Variants in CNTLN observed in about 807,000 individuals in gnomAD.
The protein encoded by CNTLN is centlein, centrosomal protein.
A neutral mutation model predicts 180.0 loss-of-function variants in CNTLN; 212 were observed. The observed-to-expected ratio is 1.18, with a 90% CI of 1.05 to 1.32. The LOEUF (loss-of-function observed/expected upper bound fraction) is 1.32. Ranked by LOEUF, CNTLN falls within the 40% of genes most tolerant of loss-of-function variation. The probability of loss-of-function intolerance (pLI) is 0.00; values close to 1 mark genes in which losing one functional copy is unlikely to be tolerated. For synonymous variants in CNTLN, 722 were observed against 563.1 expected, an observed-to-expected ratio of 1.28 and a Z score of -3.99; for missense variants, 2,095 against 1,610.9, an observed-to-expected ratio of 1.30 and a Z score of -5.14.
chr9:17,354,070 A>G (rs1257769924), intron 12 of CNTLN, among the ~76,000 whole-genome samples: 1 of 152,208 alleles, frequency 6.6e-6, no homozygotes. Flanking sequence ...TGAGGGACTT[A>G]GCACCCGGGC....
chr9:17,446,002 G>C (rs1484812755), intron 18 of CNTLN, among the ~76,000 whole-genome samples: 2 of 152,198 alleles, frequency 1.3e-5, no homozygotes, highest in African/African-American at 4.8e-5. Context: ...AGCTGTTTAT[G>C]TGTATGCATA....
chr9:17,168,427 T>G (rs1032169766), intron 2 of CNTLN: 1 of 152,176 alleles, frequency 6.6e-6, no homozygotes, highest in Non-Finnish European at 1.5e-5. Flanking sequence ...AATGAATACA[T>G]TTATGGATGG....
At chr9:17,226,016 G>T (rs1824441956) in intron 2 of CNTLN, among the ~76,000 whole-genome samples, 187 bp from the exon 3 acceptor site, 1 of 151,954 alleles carries the variant, frequency 6.6e-6, no homozygotes, top group South Asian at 2.1e-4. Flanking sequence ...ATCTAGAAAT[G>T]AAACTGTTCT....
At chr9:17,507,091 C>G (rs990977696), downstream of CNTLN, among the ~76,000 whole-genome samples, 4 of 152,096 alleles carry the variant, frequency 2.6e-5, no homozygotes, top group Non-Finnish European at 5.9e-5. Context: ...AATCTCATCA[C>G]CCAAGTAGCA....
chr9:17,423,855 C>T (rs1370487812), intron 18 of CNTLN, among the ~76,000 whole-genome samples: 3 of 152,052 alleles, frequency 2.0e-5, no homozygotes, highest in Admixed American at 6.6e-5. Context: ...GATTCTCTCT[C>T]GGCTCAGTGT....
intron 6 of CNTLN, among the ~76,000 whole-genome samples, chr9:17,294,646 G>A (rs71504854): frequency 0.019 from 2,911 of 149,448 alleles, 51 homozygotes; most frequent in Admixed American, 0.038. Context: ...AGGGGCCACA[G>A]GTGGAGCTGC....
chr9:17,323,218 T>A (rs1820037919), intron 8 of CNTLN, among the ~76,000 whole-genome samples: 1 of 152,192 alleles, frequency 6.6e-6, no homozygotes, highest in African/African-American at 2.4e-5. Flanking sequence ...CTGAATTCAG[T>A]AACTACTACT....
At chr9:17,505,666 C>T (rs1833920633), downstream of CNTLN, among the ~76,000 whole-genome samples, 1 of 151,936 alleles carries the variant, frequency 6.6e-6, no homozygotes, top group African/African-American at 2.4e-5. Flanking sequence ...ATAGTAAGAC[C>T]ATGGGTTAGG....
chr9:17,359,717 T>TAAAAAAACAAAAAAAAAAAA (rs1456379699), intron 12 of CNTLN, among the ~76,000 whole-genome samples: 1 of 13,478 alleles, frequency 7.4e-5, no homozygotes, highest in African/African-American at 1.9e-4. Context: ...CCGTCTATAC[T>TAAAAAAACAAAAAAAAAAAA]AAAAATACAA....
At chr9:17,148,148 A>G (rs1212569564) in intron 2 of CNTLN, among the ~76,000 whole-genome samples, 2 of 152,182 alleles carry the variant, frequency 1.3e-5, no homozygotes, top group African/African-American at 4.8e-5. Context: ...CAACACACGG[A>G]CAATCTTGTT....
At chr9:17,374,821 C>G (rs1046782597) in intron 13 of CNTLN, among the ~76,000 whole-genome samples, 2 of 151,302 alleles carry the variant, frequency 1.3e-5, no homozygotes, top group African/African-American at 4.9e-5. Flanking sequence ...GATTATGCCA[C>G]TGCACTCCAG....
At position 17,264,213 on chromosome 9, in the gene CNTLN, T is replaced by C. The variant is rs925131382; in HGVS notation, c.850-9520T>C. On this transcript the variant is annotated intron_variant, in intron 5 of 25. Transcript: ENST00000380647. ...AAGTCTTTAATCCATCTTGAATTGA[T>C]TTTTGTATAAGGTGTAAGGAAGGGA... is the stretch of plus-strand genomic sequence containing the variant. 1.2e-3 allele frequency among the ~76,000 whole-genome samples: 182 copies of C among 146,312 alleles called. 3 individuals carry two copies. The highest frequency in any genetic ancestry group is 6.0e-3 in the Admixed American group (89 of 14,774).
intron 12 of CNTLN, among the ~76,000 whole-genome samples, chr9:17,348,860 T>G (rs1305314866): frequency 1.3e-5 from 2 of 152,150 alleles, no homozygotes; most frequent in South Asian, 2.1e-4. Context: ...GGAGCATGGC[T>G]GCTTTTTGTT....
At chr9:17,370,445 C>T (rs1224927332) in intron 13 of CNTLN, among the ~76,000 whole-genome samples, 3 of 152,100 alleles carry the variant, frequency 2.0e-5, no homozygotes, top group Non-Finnish European at 1.5e-5. Context: ...GACTTTTGCC[C>T]TGGAATAATA....
At chr9:17,349,057 G>A (rs1337235314) in intron 12 of CNTLN, among the ~76,000 whole-genome samples, 1 of 152,044 alleles carries the variant, frequency 6.6e-6, no homozygotes, top group African/African-American at 2.4e-5. Context: ...GCTTGGGGTA[G>A]GTAGGAGGAA....
intron 21 of CNTLN, among the ~76,000 whole-genome samples, chr9:17,464,888 G>C (rs140443362): frequency 6.0e-5 from 9 of 151,058 alleles, no homozygotes; most frequent in African/African-American, 2.2e-4. Context: ...ATATTTCTAG[G>C]ATACATAATT....
chr9:17,207,206 TTATTA>T (rs1203961123), intron 2 of CNTLN, among the ~76,000 whole-genome samples: 1 of 152,238 alleles, frequency 6.6e-6, no homozygotes, highest in Non-Finnish European at 1.5e-5. Flanking sequence ...ATCAATTTGC[TTATTA>T]TATTAATTCG....
At chr9:17,491,467 T>C (rs572612519) in intron 25 of CNTLN, among the ~76,000 whole-genome samples, 1 of 152,232 alleles carries the variant, frequency 6.6e-6, no homozygotes, top group South Asian at 2.1e-4. Flanking sequence ...AAATATTACA[T>C]AGTTATAACC....
chr9:17,359,725 C>CAAAAAAAAAAAAAAAAAACCAAAAAAAA (rs1344925686), intron 12 of CNTLN, among the ~76,000 whole-genome samples: 4 of 21,324 alleles, frequency 1.9e-4, no homozygotes, highest in African/African-American at 5.0e-4. Flanking sequence ...ACTAAAAATA[C>CAAAAAAAAAAAAAAAAAACCAAAAAAAA]AAAAAAAAAA....
Sources: gnomAD v4.1 joint callset for allele counts (sites outside exome capture counted in the v4.1 genomes callset) on GRCh38, gnomAD v4.1.1 for gene constraint, MANE v1.5 for transcripts, NCBI Gene and HGNC (gene_info 2026-07-23, HGNC 2026-07-21) for gene names.